GRID1: variants seen among roughly 807,000 people sequenced by gnomAD.
GRID1 encodes the protein glutamate receptor ionotropic, delta-1.
GRID1 carries 28 observed loss-of-function variants against 98.0 expected under a neutral mutation model. The observed-to-expected ratio is 0.29, with a 90% confidence interval of 0.21 to 0.39. GRID1 has a LOEUF of 0.39. Ranked by LOEUF, GRID1 falls within the 10% of genes least tolerant of loss-of-function variation. GRID1 has a pLI of 1.00. For missense variants in GRID1, 1,111 were observed against 1,340.5 expected, an observed-to-expected ratio of 0.83 and a Z score of 2.67; for synonymous variants, 553 against 538.5, an observed-to-expected ratio of 1.03 and a Z score of -0.37.
At chr10:85,682,298 G>C (rs1841219268) in intron 12 of GRID1, among the ~76,000 whole-genome samples, 1 of 152,222 alleles carries the variant, frequency 6.6e-6, no homozygotes, top group African/African-American at 2.4e-5. Context: ...ATTCCAGAGA[G>C]TTGGGAAGAT....
intron 12 of GRID1, among the ~76,000 whole-genome samples, chr10:85,666,817 C>T (rs1343082806): frequency 1.3e-5 from 2 of 152,144 alleles, no homozygotes; most frequent in Admixed American, 1.3e-4. Context: ...GCTGGCTCCT[C>T]CCCCATACAG....
intron 8 of GRID1, 117 bp from the exon 9 acceptor site, chr10:85,729,731 G>A: frequency 1.6e-6 from 1 of 608,376 alleles, no homozygotes; most frequent in East Asian, 2.8e-5. Context: ...TAGTCCCCTG[G>A]AGTTCCCAGA....
Position 85,792,209 on chromosome 10 carries a change from C to T in GRID1, c.1233+62287G>A, listed in dbSNP as rs111390779. 6.9e-3 allele frequency among the ~76,000 whole-genome samples: 1,044 copies of T among 152,290 alleles called. 13 individuals are homozygous for T. The highest frequency in any genetic ancestry group is 0.023 in the African/African-American group (975 of 41,554). On this transcript the variant is annotated intron_variant, in intron 8 of 15. Transcript: ENST00000327946. Reference sequence around the variant, plus strand: ...ATTATGCCTCAACTGCCAGTGCCACCAGAGATCCGCCCTGATGCTCGAAGC... The same window carrying T: ...ATTATGCCTCAACTGCCAGTGCCACTAGAGATCCGCCCTGATGCTCGAAGC...
chr10:86,293,796 C>G (rs905996642), intron 2 of GRID1, among the ~76,000 whole-genome samples: 2 of 152,178 alleles, frequency 1.3e-5, no homozygotes, highest in African/African-American at 4.8e-5. Flanking sequence ...CCACTCATTC[C>G]TCCCACAAAC....
intron 14 of GRID1, among the ~76,000 whole-genome samples, chr10:85,615,764 C>A (rs1409168540): frequency 1.3e-5 from 2 of 152,184 alleles, no homozygotes; most frequent in Admixed American, 6.5e-5. Flanking sequence ...TACATGTCTG[C>A]CTGTTCACTG....
At chr10:85,922,137 T>G (rs1325127691) in intron 4 of GRID1, among the ~76,000 whole-genome samples, 2 of 152,214 alleles carry the variant, frequency 1.3e-5, no homozygotes, top group African/African-American at 2.4e-5. Flanking sequence ...CCCAGATAAC[T>G]GTCTGAAAAA....
intron 2 of GRID1, among the ~76,000 whole-genome samples, chr10:86,303,997 T>C (rs2132083558): frequency 1.3e-5 from 2 of 152,336 alleles, no homozygotes; most frequent in Middle Eastern, 6.8e-3. Context: ...CCATGGTTTT[T>C]CCTATCTCCA....
intron 2 of GRID1, among the ~76,000 whole-genome samples, chr10:86,324,711 G>A (rs905872892): frequency 6.6e-6 from 1 of 151,828 alleles, no homozygotes; most frequent in African/African-American, 2.4e-5. Flanking sequence ...AAATGGCAAG[G>A]AAAAGTCCAG....
intron 4 of GRID1, among the ~76,000 whole-genome samples, chr10:85,991,662 C>T (rs1248568659): frequency 1.3e-5 from 2 of 152,116 alleles, no homozygotes; most frequent in Non-Finnish European, 2.9e-5. Flanking sequence ...TTCACTGTGT[C>T]AAATGTCACC....
chr10:85,897,635 T>C (rs1841312042), intron 5 of GRID1, among the ~76,000 whole-genome samples: 2 of 152,242 alleles, frequency 1.3e-5, no homozygotes, highest in Admixed American at 1.3e-4. Context: ...TAAAATGTTA[T>C]ATATTTATGA....
chr10:85,969,913 T>C lies in GRID1; in HGVS notation c.727-53674A>G, dbSNP rs574191366. On this transcript the variant is annotated intron_variant, in intron 4 of 15. Transcript: ENST00000327946. ...AAATCAATAAGCAAAGAGTTGATTT[T>C]TTTCAAGACTGACAAAATTGATAAA... 1.3e-3 allele frequency among the ~76,000 whole-genome samples: 202 copies of C among 151,860 alleles called. 1 individual carries two copies. Among genetic ancestry groups the C allele is most frequent in the Non-Finnish European group, 1.9e-3 (127 of 67,844 alleles).
intron 8 of GRID1, among the ~76,000 whole-genome samples, chr10:85,800,361 C>T (rs1367663028): frequency 3.9e-5 from 6 of 151,926 alleles, no homozygotes; most frequent in Non-Finnish European, 7.4e-5. Flanking sequence ...ACATACTAAA[C>T]AAGAACAAAC....
chr10:86,086,420 T>A (rs985255093), intron 4 of GRID1, among the ~76,000 whole-genome samples: 2 of 152,182 alleles, frequency 1.3e-5, no homozygotes, highest in Non-Finnish European at 2.9e-5. Context: ...ATTGGATCTA[T>A]CAGGAGATTG....
chr10:85,783,950 G>T (rs942830997), intron 8 of GRID1, among the ~76,000 whole-genome samples: 9 of 152,194 alleles, frequency 5.9e-5, no homozygotes, highest in African/African-American at 2.2e-4. Context: ...GAGGTTGGGA[G>T]ATATCGCTGG....
At chr10:85,847,788 T>C (rs1464258955) in intron 8 of GRID1, among the ~76,000 whole-genome samples, 1 of 152,082 alleles carries the variant, frequency 6.6e-6, no homozygotes, top group Non-Finnish European at 1.5e-5. Flanking sequence ...GTGAATTGGG[T>C]ATAAGTTCCT....
chr10:85,890,552 A>C (rs377734698), intron 5 of GRID1, among the ~76,000 whole-genome samples: 12 of 152,194 alleles, frequency 7.9e-5, no homozygotes, highest in African/African-American at 2.4e-4. Context: ...CATTTAGTTC[A>C]GGACTACTGT....
At chr10:86,046,288 C>T (rs984768901) in intron 4 of GRID1, among the ~76,000 whole-genome samples, 1 of 152,222 alleles carries the variant, frequency 6.6e-6, no homozygotes, top group Non-Finnish European at 1.5e-5. Flanking sequence ...CTAATCTCAG[C>T]ACACTGCCTG....
At chr10:85,979,506 C>A (rs769590571) in intron 4 of GRID1, among the ~76,000 whole-genome samples, 24 of 152,314 alleles carry the variant, frequency 1.6e-4, no homozygotes, top group Middle Eastern at 6.8e-3. Context: ...CCAAGCCCCC[C>A]TTCCTGGCTT....
At chr10:85,848,368 A>G (rs909706854) in intron 8 of GRID1, among the ~76,000 whole-genome samples, 6 of 152,188 alleles carry the variant, frequency 3.9e-5, no homozygotes, top group Non-Finnish European at 5.9e-5. Flanking sequence ...ATTCTATAAT[A>G]ATGTGGTGAA....
Sources: gnomAD v4.1 joint callset for allele counts (sites outside exome capture counted in the v4.1 genomes callset) on GRCh38, gnomAD v4.1.1 for gene constraint, MANE v1.5 for transcripts, NCBI Gene and HGNC (gene_info 2026-07-23, HGNC 2026-07-21) for gene names.